Variants in CATSPERB observed in about 807,000 individuals in gnomAD.
CATSPERB encodes catsper channel auxiliary subunit beta.
In CATSPERB, 93 loss-of-function variants were observed where a neutral mutation model predicts 128.3. That is an observed-to-expected ratio of 0.72 (90% CI 0.61 to 0.86). The LOEUF (loss-of-function observed/expected upper bound fraction) is 0.86. Ranked by LOEUF, CATSPERB falls within the 40% of genes least tolerant of loss-of-function variation. The pLI is 0.00. For missense variants in CATSPERB, 1,153 were observed against 1,329.5 expected (o/e 0.87, Z 2.06); for synonymous variants, 381 against 448.8 (o/e 0.85, Z 1.91).
rs559681416 is a variant in CATSPERB, at chr14:91,623,118, C to T, written c.1931-1181G>A. On this transcript the variant is annotated intron_variant, in intron 18 of 26. Coordinates refer to ENST00000256343, the MANE Select transcript of CATSPERB (RefSeq NM_024764.4). ...CCATGTTGGCCAGACTGGTCTCAAA[C>T]TCCTGACCTCAGGTGATCCACCTGC... 2.6e-5 allele frequency among the ~76,000 whole-genome samples: 4 copies of T among 152,264 alleles called. No individual in the cohort carries two copies. The East Asian group carries it at 7.7e-4, about 29-fold the overall frequency.
At chr14:91,676,825 C>G (rs1895199588) in intron 11 of CATSPERB, among the ~76,000 whole-genome samples, 1 of 152,210 alleles carries the variant, frequency 6.6e-6, no homozygotes, top group African/African-American at 2.4e-5. Context: ...TCGAACTATA[C>G]TACAAGTCTA....
chr14:91,692,845 A>C (rs1895494620), intron 9 of CATSPERB, among the ~76,000 whole-genome samples: 1 of 152,200 alleles, frequency 6.6e-6, no homozygotes, highest in African/African-American at 2.4e-5. Context: ...GCTATAAATA[A>C]ATGGATCAAT....
At chr14:91,670,055 A>C (rs1000171417) in intron 13 of CATSPERB, 83 bp from the exon 14 acceptor site, 5 of 1,186,838 alleles carry the variant, frequency 4.2e-6, no homozygotes, top group Admixed American at 2.0e-5. Flanking sequence ...ATTTTGATTA[A>C]GAGAGAGATA....
chr14:91,621,631 G>A lies in CATSPERB; in HGVS notation c.2237C>T (p.Ala746Val). 1 of 1,605,272 alleles carries A rather than the reference G, an allele frequency of 6.2e-7. No individual in the cohort carries two copies. The highest frequency in any genetic ancestry group is 8.5e-7 in the Non-Finnish European group (1 of 1,175,004). The change falls in exon 19 of 27, where the codon GCT becomes GTT. Residue 746 changes from alanine (A) to valine (V), a missense_variant. Transcript: ENST00000256343. ...IDLGNSYVLK[A>V]KVIRNAKGFR... ...ACCTTTTGCATTCCGTATGACCTTAGCTTTTAAAACATAAGAGTTTCCCAG... is the reference window on the plus strand; with the variant it reads ...ACCTTTTGCATTCCGTATGACCTTAACTTTTAAAACATAAGAGTTTCCCAG...
At chr14:91,693,817 A>AC (rs1895512751) in intron 7 of CATSPERB, among the ~76,000 whole-genome samples, 1 of 150,152 alleles carries the variant, frequency 6.7e-6, no homozygotes, top group Non-Finnish European at 1.5e-5. Context: ...TAGTTTAAGG[A>AC]TTTTTTTTTT....
chr14:91,717,697 C>T (rs1374145868), intron 5 of CATSPERB, among the ~76,000 whole-genome samples: 1 of 152,196 alleles, frequency 6.6e-6, no homozygotes, highest in Non-Finnish European at 1.5e-5. Context: ...GCCTAACCTA[C>T]TTTTCCCAAG....
In CATSPERB at chr14:91,591,937, A is replaced by G. The variant is rs1236820967; in HGVS notation, c.2775T>C (p.Asp925=). 1 of 1,614,084 alleles carries G rather than the reference A, an allele frequency of 6.2e-7. No homozygotes were observed. Among genetic ancestry groups the G allele is most frequent in the Admixed American group, 1.7e-5 (1 of 60,014 alleles). Residue 925 remains aspartate (D), a synonymous_variant, in exon 23 of 27, where the codon GAT becomes GAC. Coordinates refer to ENST00000256343, the MANE Select transcript of CATSPERB (RefSeq NM_024764.4). ...AAGCAACAGCATGTGAAAACTTCTGATCCTTTGTGCAGTTACACTCCTCCC... is the reference window on the plus strand; with the variant it reads ...AAGCAACAGCATGTGAAAACTTCTGGTCCTTTGTGCAGTTACACTCCTCCC... The part of the protein sequence containing the change: ...STREECNCTK[D]QKFSHAVAFS...
intron 19 of CATSPERB, among the ~76,000 whole-genome samples, chr14:91,619,408 TC>T (rs1041080450): frequency 2.4e-4 from 36 of 152,282 alleles, no homozygotes; most frequent in African/African-American, 8.4e-4. Flanking sequence ...AGAAAGGATT[TC>T]CAAGGGTTTC....
chr14:91,724,410 G>A lies in CATSPERB; in HGVS notation c.168+670C>T, dbSNP rs1896086564. Among the ~76,000 whole-genome samples, 6 of 152,050 alleles carry A rather than the reference G, an allele frequency of 3.9e-5. 1 individual carries two copies. The South Asian group carries it at 1.2e-3, about 32-fold the overall frequency. ...ACTTCTCAATAGTTGTATATACAAAGCTTAAATATATATTTAAGCATATCA... is the reference window on the plus strand; with the variant it reads ...ACTTCTCAATAGTTGTATATACAAAACTTAAATATATATTTAAGCATATCA... On this transcript the variant is annotated intron_variant, in intron 3 of 26. Transcript: ENST00000256343.
At chr14:91,585,662 T>G (rs753041491) in intron 26 of CATSPERB, among the ~76,000 whole-genome samples, 4 of 152,236 alleles carry the variant, frequency 2.6e-5, no homozygotes, top group Non-Finnish European at 4.4e-5. Flanking sequence ...TTAGAATATT[T>G]GATAATTGCA....
intron 7 of CATSPERB, among the ~76,000 whole-genome samples, chr14:91,703,690 G>A (rs1005644978): frequency 6.6e-6 from 1 of 152,156 alleles, no homozygotes; most frequent in African/African-American, 2.4e-5. Context: ...GGGGTGTGGC[G>A]TGTCACAACT....
chr14:91,588,129 A>G, intron 24 of CATSPERB, 51 bp from the exon 25 acceptor site: 1 of 1,215,332 alleles, frequency 8.2e-7, no homozygotes, highest in Non-Finnish European at 1.2e-6. Flanking sequence ...CTCATTTTGT[A>G]TTAGGTTGGT....
chr14:91,708,375 C>A (rs755382702), intron 5 of CATSPERB, 139 bp from the exon 6 acceptor site: 5 of 596,106 alleles, frequency 8.4e-6, no homozygotes, highest in Non-Finnish European at 1.5e-5. Flanking sequence ...TGTGAAATTT[C>A]ATACGTTTTC....
intron 4 of CATSPERB, among the ~76,000 whole-genome samples, chr14:91,720,244 G>A (rs1896007695): frequency 6.6e-6 from 1 of 151,712 alleles, no homozygotes; most frequent in African/African-American, 2.4e-5. Flanking sequence ...AGAAGCAAAG[G>A]TGTCAGATGA....
At chr14:91,731,445 A>G (rs1385433175) in intron 1 of CATSPERB, among the ~76,000 whole-genome samples, 2 of 152,214 alleles carry the variant, frequency 1.3e-5, no homozygotes, top group South Asian at 2.1e-4. Context: ...CCATCGAAAT[A>G]TTTGATTTTT....
intron 2 of CATSPERB, among the ~76,000 whole-genome samples, chr14:91,729,182 T>C (rs1402493664): frequency 1.3e-5 from 2 of 152,060 alleles, no homozygotes; most frequent in Non-Finnish European, 2.9e-5. Context: ...CTACTAAAAA[T>C]ACAAAAATTA....
intron 26 of CATSPERB, among the ~76,000 whole-genome samples, chr14:91,583,667 ATACTT>A (rs1893247784): frequency 6.6e-6 from 1 of 152,356 alleles, no homozygotes; most frequent in Admixed American, 6.5e-5. Context: ...TACTCCTAAA[ATACTT>A]TAATTTGTGT....
intron 22 of CATSPERB, chr14:91,604,468 A>C (rs1396688380): frequency 1.9e-6 from 3 of 1,558,358 alleles, no homozygotes; most frequent in Non-Finnish European, 2.6e-6. Context: ...GTGGAGTACT[A>C]AAATACCTAG....
intron 15 of CATSPERB, among the ~76,000 whole-genome samples, chr14:91,645,803 C>A (rs7142793): frequency 0.47 from 68,921 of 147,188 alleles, 16,668 homozygotes; most frequent in South Asian, 0.62. Flanking sequence ...GCCCCTCCCC[C>A]AGCCTCGCTG....
Sources: allele counts gnomAD v4.1 joint callset (sites outside exome capture counted in the v4.1 genomes callset), GRCh38; gene constraint gnomAD v4.1.1; transcripts MANE v1.5; gene names NCBI Gene and HGNC (gene_info 2026-07-23, HGNC 2026-07-21).